The following NAV2 variants were observed in gnomAD, a reference collection of about 807,000 sequenced individuals.
NAV2 encodes neuron navigator 2.
Under a neutral mutation model 223.2 loss-of-function variants are expected in NAV2, and 54 were observed. That is an observed-to-expected ratio of 0.24 (90% CI 0.19 to 0.30). The LOEUF is 0.30. NAV2 is among the 10% of genes least tolerant of loss of function. NAV2 has a pLI of 1.00. For synonymous variants in NAV2, 1,279 were observed against 1,239.3 expected, an observed-to-expected ratio of 1.03 and a Z score of -0.67; for missense variants, 2,806 against 3,147.5, an observed-to-expected ratio of 0.89 and a Z score of 2.60.
At chr11:19,487,927 C>A (rs1399678946) in intron 1 of NAV2, among the ~76,000 whole-genome samples, 1 of 152,092 alleles carries the variant, frequency 6.6e-6, no homozygotes, top group Non-Finnish European at 1.5e-5. Flanking sequence ...TGTTGTTGCT[C>A]CAAGCCACAA....
chr11:19,553,801 G>T (rs2044771494), intron 1 of NAV2, among the ~76,000 whole-genome samples: 1 of 152,220 alleles, frequency 6.6e-6, no homozygotes, highest in Admixed American at 6.5e-5. Flanking sequence ...AGGGCTCCAG[G>T]GACCCAGACT....
At chr11:19,436,784 CT>C (rs34317228) in intron 1 of NAV2, among the ~76,000 whole-genome samples, 35,843 of 151,962 alleles carry the variant, frequency 0.24, 4,814 homozygotes, top group Non-Finnish European at 0.31. Context: ...ATATTTTATG[CT>C]TTTCAGTATA....
intron 1 of NAV2, among the ~76,000 whole-genome samples, chr11:19,828,970 C>T (rs546534601): frequency 3.3e-5 from 5 of 152,178 alleles, no homozygotes; most frequent in East Asian, 1.9e-4. Flanking sequence ...GCTCTATAAT[C>T]GCAGTGTGTG....
chr11:19,557,040 A>G (rs2044917809), intron 1 of NAV2, among the ~76,000 whole-genome samples: 2 of 152,188 alleles, frequency 1.3e-5, no homozygotes, highest in Non-Finnish European at 2.9e-5. Context: ...ATAGACATGC[A>G]TTGCTTCTAT....
intron 11 of NAV2, among the ~76,000 whole-genome samples, chr11:20,023,896 T>C (rs115074482): frequency 6.6e-6 from 1 of 152,154 alleles, no homozygotes; most frequent in Non-Finnish European, 1.5e-5. Context: ...ATGCCAAGCA[T>C]CTAGCAGACA....
intron 11 of NAV2, among the ~76,000 whole-genome samples, chr11:20,005,267 TTGA>T (rs2052951898): frequency 2.0e-5 from 3 of 147,746 alleles, no homozygotes; most frequent in Non-Finnish European, 3.0e-5. Flanking sequence ...TTTTTTTTTT[TTGA>T]GATGGAGTCT....
At chr11:19,645,834 G>A (rs2047801323) in intron 1 of NAV2, among the ~76,000 whole-genome samples, 1 of 152,142 alleles carries the variant, frequency 6.6e-6, no homozygotes, top group African/African-American at 2.4e-5. Flanking sequence ...GGTTGGATGA[G>A]GTGGAAACTA....
rs143427289 is a variant in NAV2 at position 20,096,965 on chromosome 11, G to A, written c.6013-612G>A. Among the ~76,000 whole-genome samples the A allele has an allele frequency of 1.8e-4, 28 of 152,322 alleles. No homozygotes were observed. In the East Asian group the frequency reaches 5.2e-3, roughly 28 times the overall value. On this transcript the variant is annotated intron_variant, in intron 30 of 37. Coordinates refer to ENST00000349880, the MANE Select transcript of NAV2 (RefSeq NM_145117.5). ...AAGTGAGGAAATGAGACCATGCAAA[G>A]CCTGTTACTGGGATTCCACCTAAGT...
At chr11:20,011,175 A>G (rs980381995) in intron 11 of NAV2, among the ~76,000 whole-genome samples, 1 of 152,112 alleles carries the variant, frequency 6.6e-6, no homozygotes, top group Non-Finnish European at 1.5e-5. Flanking sequence ...CCTGACCCAT[A>G]GCTTTTTTAA....
intron 1 of NAV2, among the ~76,000 whole-genome samples, chr11:19,421,994 G>A (rs115691613): frequency 0.011 from 1,610 of 152,182 alleles, 28 homozygotes; most frequent in African/African-American, 0.038. Flanking sequence ...TACCTGTAAC[G>A]AAAAGCTTTA....
At chr11:19,351,976 AGTGTGTGTGT>A (rs59544307) in intron 1 of NAV2, among the ~76,000 whole-genome samples, 24 of 145,682 alleles carry the variant, frequency 1.6e-4, no homozygotes, top group Admixed American at 7.6e-4. Flanking sequence ...TCTCTCTGTG[AGTGTGTGTGT>A]GTGTGTGTGT....
intron 22 of NAV2, among the ~76,000 whole-genome samples, chr11:20,069,398 G>A (rs2059256073): frequency 6.6e-6 from 1 of 152,176 alleles, no homozygotes; most frequent in Non-Finnish European, 1.5e-5. Context: ...CAGTGTCTGA[G>A]CTGTTGGGGT....
chr11:19,940,105 C>T lies in NAV2; in HGVS notation c.2146+332C>T, dbSNP rs138979919. ...ACTTAACTTTGAATCTTCTTGTTTACTCTTCAGATAAAGTTGCTTTTCAAC... is the reference window on the plus strand; with the variant it reads ...ACTTAACTTTGAATCTTCTTGTTTATTCTTCAGATAAAGTTGCTTTTCAAC... On this transcript the variant is annotated intron_variant, in intron 8 of 37. Transcript: ENST00000349880. 6.6e-5 allele frequency among the ~76,000 whole-genome samples: 10 copies of T among 152,088 alleles called. No homozygotes were observed. The East Asian group carries it at 1.9e-3, about 29-fold the overall frequency.
At chr11:19,635,022 T>C (rs1283408948) in intron 1 of NAV2, among the ~76,000 whole-genome samples, 1 of 152,232 alleles carries the variant, frequency 6.6e-6, no homozygotes, top group Non-Finnish European at 1.5e-5. Flanking sequence ...AATAAAAGTG[T>C]GTTTCTTGCT....
intron 1 of NAV2, among the ~76,000 whole-genome samples, chr11:19,473,998 G>A (rs1381479034): frequency 1.3e-5 from 2 of 152,162 alleles, no homozygotes; most frequent in Middle Eastern, 3.2e-3. Context: ...GGGCCTGCAG[G>A]CCCACTATTC....
At chr11:19,453,997 C>T (rs1851876189) in intron 1 of NAV2, among the ~76,000 whole-genome samples, 1 of 152,164 alleles carries the variant, frequency 6.6e-6, no homozygotes, top group Admixed American at 6.5e-5. Context: ...ATTTTGGACA[C>T]CATCCGCTGC....
chr11:19,667,465 G>A (rs774208496), intron 1 of NAV2, among the ~76,000 whole-genome samples: 4 of 152,210 alleles, frequency 2.6e-5, no homozygotes, highest in South Asian at 2.1e-4. Flanking sequence ...TTGGGGGCAC[G>A]AGGAGGTGAA....
chr11:19,604,727 T>A (rs1190818758), intron 1 of NAV2, among the ~76,000 whole-genome samples: 1 of 152,198 alleles, frequency 6.6e-6, no homozygotes, highest in African/African-American at 2.4e-5. Flanking sequence ...TATGTCCCCA[T>A]CCAAATCTCA....
intron 11 of NAV2, among the ~76,000 whole-genome samples, chr11:20,021,293 C>T (rs1472026325): frequency 6.6e-6 from 1 of 152,164 alleles, no homozygotes; most frequent in Non-Finnish European, 1.5e-5. Flanking sequence ...GCACTTGCCA[C>T]ATTGCAGATG....
Sources: gnomAD v4.1 joint callset for allele counts (sites outside exome capture counted in the v4.1 genomes callset) on GRCh38, gnomAD v4.1.1 for gene constraint, MANE v1.5 for transcripts, NCBI Gene and HGNC (gene_info 2026-07-23, HGNC 2026-07-21) for gene names.